DHX32: variants seen among roughly 807,000 people sequenced by gnomAD.
The protein encoded by DHX32 is putative pre-mRNA-splicing factor ATP-dependent RNA helicase DHX32.
A neutral mutation model predicts 70.0 loss-of-function variants in DHX32; 51 were observed. The observed-to-expected ratio is 0.73, with a 90% CI of 0.58 to 0.92. The LOEUF (loss-of-function observed/expected upper bound fraction) is 0.92. Ranked by LOEUF, DHX32 falls within the 40% of genes least tolerant of loss-of-function variation. The pLI is 0.00. For synonymous variants in DHX32, 310 were observed against 315.3 expected (o/e 0.98, Z 0.18); for missense variants, 762 against 891.8 (o/e 0.85, Z 1.85).
In DHX32 at chr10:125,866,148, A is replaced by ACT. The variant is rs1944219036; in HGVS notation, c.476+840_476+841dup. Among the ~76,000 whole-genome samples the ACT allele has an allele frequency of 6.6e-6, 1 of 152,122 alleles. No individual in the cohort carries two copies. The highest frequency in any genetic ancestry group is 2.4e-5 in the African/African-American group (1 of 41,414). ...GCAGCTGAAGCCCGTGGGATGGTCA[A>ACT]CTCTGGCTCCAGGCAGCTGTGACCA... On this transcript the variant is annotated intron_variant, in intron 2 of 10. Transcript: ENST00000284690. The surrounding 1 kb of genome is among the most constrained non-coding windows in gnomAD (Gnocchi z 4.8).
At chr10:125,841,199 G>T in intron 7 of DHX32, 1 of 1,536,516 alleles carries the variant, frequency 6.5e-7, no homozygotes, top group East Asian at 2.3e-5. Flanking sequence ...GTGTGTGTGT[G>T]TTTGCTTTTC....
In DHX32 at chr10:125,838,302, G is replaced by A; in HGVS notation, c.1967C>T (p.Ser656Leu). Reference protein sequence around the residue: ...VAQLHPLSGYSITKKMPEWVL... With the variant: ...VAQLHPLSGYLITKKMPEWVL... The stretch of plus-strand genomic sequence containing the variant: ...CCACTCTGGCATCTTCTTGGTGATT[G>A]AGTAACCAGACAGGGGATGCAGCTG... The change falls in exon 10 of 11, where the codon TCA (serine) becomes TTA (leucine). Residue 656 changes from serine to leucine, a missense_variant. Physicochemically the swap from Ser to Leu is moderately radical, Grantham distance 145 (BLOSUM62 -2). Around this residue, in one of 3 missense-constraint regions of DHX32, gnomAD observed 366 missense variants for 402.6 expected, o/e 0.91. Coordinates refer to ENST00000284690, the MANE Select transcript of DHX32 (RefSeq NM_018180.3). 1 of 1,613,934 alleles carries A rather than the reference G, an allele frequency of 6.2e-7. No individual in the cohort carries two copies. The highest frequency in any genetic ancestry group is 8.5e-7 in the Non-Finnish European group (1 of 1,179,990).
chr10:125,873,959 C>G (rs1944269974), intron 1 of DHX32, among the ~76,000 whole-genome samples: 1 of 152,214 alleles, frequency 6.6e-6, no homozygotes, highest in South Asian at 2.1e-4. Context: ...TTTCACCTCA[C>G]TGACCCATCC....
chr10:125,894,685 A>T (rs60576366), intron 1 of DHX32, among the ~76,000 whole-genome samples: 5,008 of 135,858 alleles, frequency 0.037, no homozygotes, highest in African/African-American at 0.18. Context: ...TCTTCTTTTT[A>T]AAAAAATACT....
intron 10 of DHX32, 85 bp from the exon 11 acceptor site, chr10:125,836,940 C>A: frequency 8.5e-7 from 1 of 1,171,886 alleles, no homozygotes; most frequent in East Asian, 2.4e-5. Context: ...ACTTCCCATC[C>A]CTGGAGAATC....
At chr10:125,885,643 A>G (rs1944337064), upstream of DHX32, among the ~76,000 whole-genome samples, 1 of 152,208 alleles carries the variant, frequency 6.6e-6, no homozygotes, top group African/African-American at 2.4e-5. Context: ...ATTGTAGTCC[A>G]GTGAGACCGA....
Position 125,854,053 on chromosome 10 carries a change from T to G in DHX32, c.1000A>C (p.Arg334=), listed in dbSNP as rs1944124740. 1 of 1,614,030 alleles carries G rather than the reference T, an allele frequency of 6.2e-7. No individual in the cohort carries two copies. The highest frequency in any genetic ancestry group is 1.1e-5 in the South Asian group (1 of 91,086). ...GAGCTAGTAGTTAACACCACTCTTC[T>G]TTGATAAACTTGGCATCTTTTTTCT... The part of the protein sequence containing the change: ...ETEKRCQVYQ[R]RVVLTTSSGE... Residue 334 remains arginine, a synonymous_variant, in exon 4 of 11, where the codon AGA becomes CGA. Transcript: ENST00000284690.
At chr10:125,841,495 A>G in intron 7 of DHX32, 2 of 1,451,124 alleles carry the variant, frequency 1.4e-6, no homozygotes, top group Admixed American at 2.8e-5. Context: ...GAAATCTAGT[A>G]TGTTTTCATA....
At chr10:125,853,832 G>A (rs1278963781) in intron 4 of DHX32, 129 bp downstream of exon 4, 3 of 1,198,448 alleles carry the variant, frequency 2.5e-6, no homozygotes, top group Admixed American at 2.5e-5. Context: ...TTGCACTCAT[G>A]ACCAAATTCA....
chr10:125,887,826 TAA>T (rs1176595853), intron 1 of DHX32, among the ~76,000 whole-genome samples: 1 of 152,084 alleles, frequency 6.6e-6, no homozygotes, highest in Non-Finnish European at 1.5e-5. Flanking sequence ...TCAATTTTCT[TAA>T]AGTCATTAGT....
chr10:125,846,057 T>A (rs1944013932), intron 6 of DHX32, among the ~76,000 whole-genome samples: 1 of 152,312 alleles, frequency 6.6e-6, no homozygotes, highest in East Asian at 1.9e-4. Flanking sequence ...CGTGACTGCC[T>A]TTGCTCATGT....
At chr10:125,886,338 C>G (rs569267349) in intron 1 of DHX32, among the ~76,000 whole-genome samples, 1 of 152,322 alleles carries the variant, frequency 6.6e-6, no homozygotes, top group South Asian at 2.1e-4. Flanking sequence ...TTCATTTTTT[C>G]TCCTTAAGAC....
rs1387855812 is a variant in DHX32 at position 125,866,202 on chromosome 10, C to T, written c.476+788G>A. ...CCTTGCGGTACTGTATGGATACTATCACTTTCTATGATGGCTGTAATATAA... is the reference window on the plus strand; with the variant it reads ...CCTTGCGGTACTGTATGGATACTATTACTTTCTATGATGGCTGTAATATAA... On this transcript the variant is annotated intron_variant, in intron 2 of 10. Coordinates refer to ENST00000284690, the MANE Select transcript of DHX32 (RefSeq NM_018180.3). The surrounding 1 kb of genome is among the most constrained non-coding windows in gnomAD (Gnocchi z 4.8). 6.6e-6 allele frequency among the ~76,000 whole-genome samples: 1 copy of T among 152,248 alleles called. No homozygotes were observed. The highest frequency in any genetic ancestry group is 1.5e-5 in the Non-Finnish European group (1 of 68,056).
chr10:125,853,862 A>G (rs1944122613), intron 4 of DHX32, 99 bp downstream of exon 4: 1 of 1,429,718 alleles, frequency 7.0e-7, no homozygotes, highest in African/African-American at 1.4e-5. Flanking sequence ...CAGGTCACAT[A>G]GTTCATCCTC....
intron 1 of DHX32, among the ~76,000 whole-genome samples, chr10:125,889,542 C>G (rs76336159): frequency 1.3e-5 from 2 of 152,284 alleles, no homozygotes; most frequent in Non-Finnish European, 2.9e-5. Context: ...TAACTGCTTC[C>G]TACACTGAAG....
At chr10:125,885,473 T>C (rs567889048), upstream of DHX32, among the ~76,000 whole-genome samples, 3 of 152,246 alleles carry the variant, frequency 2.0e-5, no homozygotes, top group African/African-American at 4.8e-5. Flanking sequence ...AATATGACTA[T>C]GGAAGAAGGT....
At position 125,870,723 on chromosome 10, in the gene DHX32, G is replaced by A. The variant is rs377564223; in HGVS notation, c.283-3540C>T. On this transcript the variant is annotated intron_variant, in intron 1 of 10. Coordinates refer to ENST00000284690, the MANE Select transcript of DHX32 (RefSeq NM_018180.3). ...GTGGTGGTGGGTGCCTGTAATCCCA[G>A]CTACTCGGGAGGCTGAGGCAGGAAA... is the stretch of plus-strand genomic sequence containing the variant. 3.3e-5 allele frequency among the ~76,000 whole-genome samples: 5 copies of A among 152,202 alleles called. No individual in the cohort carries two copies. The South Asian group carries it at 1.0e-3, about 32-fold the overall frequency.
At chr10:125,888,804 A>T (rs1944353988) in intron 1 of DHX32, among the ~76,000 whole-genome samples, 1 of 152,302 alleles carries the variant, frequency 6.6e-6, no homozygotes, top group South Asian at 2.1e-4. Context: ...TCATGCCTGT[A>T]ACCCCAGAAC....
At chr10:125,894,449 A>C (rs1211416204) in intron 1 of DHX32, among the ~76,000 whole-genome samples, 2 of 152,214 alleles carry the variant, frequency 1.3e-5, no homozygotes, top group African/African-American at 4.8e-5. Context: ...GTCTTCTTTC[A>C]CAGGTACCCT....
Sources: allele counts gnomAD v4.1 joint callset (sites outside exome capture counted in the v4.1 genomes callset), GRCh38; gene constraint gnomAD v4.1.1; regional missense constraint gnomAD v4.1.1; non-coding constraint Gnocchi (gnomAD v3.1); transcripts MANE v1.5; gene names NCBI Gene and HGNC (gene_info 2026-07-23, HGNC 2026-07-21).